BRD1: variants seen among roughly 807,000 people sequenced by gnomAD.
BRD1 encodes the protein bromodomain containing 1, also known as bromodomain-containing protein 1.
In BRD1, 24 loss-of-function variants were observed where a neutral mutation model predicts 107.7. The ratio of observed to expected loss-of-function variants is 0.22; its 90% CI spans 0.16 to 0.31. The LOEUF (loss-of-function observed/expected upper bound fraction) is 0.31, where lower values mean the gene tolerates loss of function less well. BRD1 is among the 10% of genes least tolerant of loss of function. BRD1 has a pLI of 1.00. For missense variants in BRD1, 1,279 were observed against 1,638.6 expected, an observed-to-expected ratio of 0.78 and a Z score of 3.79; for synonymous variants, 744 against 686.1, an observed-to-expected ratio of 1.08 and a Z score of -1.32.
intron 2 of BRD1, among the ~76,000 whole-genome samples, chr22:49,814,988 T>C (rs1009554456): frequency 6.6e-6 from 1 of 152,044 alleles, no homozygotes; most frequent in African/African-American, 2.4e-5. Context: ...CCCACAAAGC[T>C]AGGGGTGGGA....
chr22:49,784,697 A>T (rs2147007303), intron 8 of BRD1, among the ~76,000 whole-genome samples: 1 of 152,358 alleles, frequency 6.6e-6, no homozygotes. Flanking sequence ...TCCTGTCCTA[A>T]GACTGCGAAG....
chr22:49,799,286 CGGGACAGAG>C (rs1487176222), intron 3 of BRD1, among the ~76,000 whole-genome samples, 167 bp from the exon 4 acceptor site: 4 of 152,116 alleles, frequency 2.6e-5, no homozygotes, highest in South Asian at 2.1e-4. Context: ...AGGACAGCAC[CGGGACAGAG>C]GGGACAGAGG....
intron 1 of BRD1, chr22:49,826,360 C>A (rs1352866346): frequency 2.7e-6 from 2 of 736,286 alleles, no homozygotes; most frequent in Non-Finnish European, 3.3e-6. Context: ...GGAAAGTAGG[C>A]CCTCAGCAGG....
Position 49,777,198 on chromosome 22 carries a change from C to T in BRD1, c.2994-37G>A, listed in dbSNP as rs201858309. On this transcript the variant is annotated intron_variant, in intron 9 of 12. Coordinates refer to ENST00000404760, the MANE Select transcript of BRD1 (RefSeq NM_001304808.3). ...AGAGCAGAGGGAGTCAGGCGCCCCG[C>T]CCCTGCCTTCAGCCTCACTCGGGCT... is the stretch of plus-strand genomic sequence containing the variant. 1.9e-5 allele frequency: 31 copies of T among 1,605,736 alleles called. No homozygotes were observed. In the East Asian group the frequency reaches 5.6e-4, roughly 29 times the overall value.
chr22:49,798,907 C>A, intron 4 of BRD1, 81 bp downstream of exon 4: 1 of 1,515,792 alleles, frequency 6.6e-7, no homozygotes, highest in East Asian at 2.3e-5. Flanking sequence ...GGGTGCAGCC[C>A]ACCCTCTGCA....
Position 49,827,730 on chromosome 22 carries a change from GCTGGAGGCCCGGCT to G in BRD1, c.-262_-249del, listed in dbSNP as rs896491389. 2.1e-5 allele frequency among the ~76,000 whole-genome samples: 3 copies of G among 144,736 alleles called. No individual in the cohort carries two copies. Among genetic ancestry groups the G allele is most frequent in the Admixed American group, 1.4e-4 (2 of 14,648 alleles). 95.0% of individuals were successfully genotyped at this position (144,736 alleles called of 152,430 possible). A position where few individuals can be genotyped will look rare whatever the true frequency, so the allele number is the denominator to read the frequency against. On this transcript the variant is annotated 5_prime_UTR_variant, in exon 1 of 13. Transcript: ENST00000404760. ...GGCGCGGGCTCGGGCTCGGGGCCCA[GCTGGAGGCCCGGCT>G]CGGGGGGCCCGGCCGGCGGGCGCGG...
chr22:49,818,216 C>T (rs2059992102), intron 2 of BRD1: 4 of 1,184,552 alleles, frequency 3.4e-6, no homozygotes, highest in Non-Finnish European at 3.2e-6. Context: ...CATCACAAAG[C>T]CTTGCCTATC....
At chr22:49,804,834 G>C (rs138855) in intron 2 of BRD1, among the ~76,000 whole-genome samples, 48,177 of 151,936 alleles carry the variant, frequency 0.32, 10,121 homozygotes, top group African/African-American at 0.6. Context: ...CTGGGTGACA[G>C]AGCGAGATTC....
At chr22:49,811,142 A>C (rs1184845076) in intron 2 of BRD1, among the ~76,000 whole-genome samples, 2 of 151,672 alleles carry the variant, frequency 1.3e-5, no homozygotes, top group South Asian at 2.1e-4. Context: ...AACAAAAAAA[A>C]CACATTTCAT....
chr22:49,784,442 AG>A (rs1484763242), intron 8 of BRD1, among the ~76,000 whole-genome samples: 1 of 152,214 alleles, frequency 6.6e-6, no homozygotes, highest in Non-Finnish European at 1.5e-5. Context: ...TCACGGAGGA[AG>A]GAAGCCACGA....
chr22:49,779,911 G>C (rs961170088), intron 8 of BRD1, among the ~76,000 whole-genome samples: 2 of 152,128 alleles, frequency 1.3e-5, no homozygotes, highest in African/African-American at 4.8e-5. Context: ...CAACGCGTGT[G>C]ACCCGTCTCC....
At chr22:49,825,478 C>T (rs907778309) in intron 1 of BRD1, among the ~76,000 whole-genome samples, 6 of 152,334 alleles carry the variant, frequency 3.9e-5, no homozygotes, top group Non-Finnish European at 7.4e-5. Context: ...CCACGGACTG[C>T]GTCTATTCCT....
intron 2 of BRD1, chr22:49,818,158 G>A (rs2059990802): frequency 7.0e-6 from 7 of 997,852 alleles, no homozygotes; most frequent in Non-Finnish European, 8.5e-6. Context: ...CCCTATCAGG[G>A]TGAAGGCGGG....
rs1601648688 is a variant in BRD1 at position 49,792,170 on chromosome 22, C to T, written c.2359+1864G>A. ...TGTGACCCAATGGCAATGGAGGAAG[C>T]CACTGATAAAAAAAAAAAGCTAAAA... On this transcript the variant is annotated intron_variant, in intron 7 of 12. Coordinates refer to ENST00000404760, the MANE Select transcript of BRD1 (RefSeq NM_001304808.3). The surrounding 1 kb of genome is among the most constrained non-coding windows in gnomAD (Gnocchi z 4.2). Among the ~76,000 whole-genome samples, 1 of 127,756 alleles carries T rather than the reference C, an allele frequency of 7.8e-6. No individual in the cohort carries two copies. The highest frequency in any genetic ancestry group is 2.0e-4 in the East Asian group (1 of 5,040). The allele number at this position is 127,756 out of a possible 152,430, so 83.8% of individuals were successfully genotyped here.
chr22:49,788,677 C>G (rs1013759751), intron 7 of BRD1, among the ~76,000 whole-genome samples: 7 of 152,168 alleles, frequency 4.6e-5, no homozygotes, highest in Admixed American at 3.9e-4. Context: ...GTCCAGGGGG[C>G]CGGACAGGCT....
At chr22:49,781,024 A>G (rs2146965831) in intron 8 of BRD1, among the ~76,000 whole-genome samples, 2 of 152,318 alleles carry the variant, frequency 1.3e-5, no homozygotes, top group South Asian at 4.1e-4. Flanking sequence ...TAACGCTGAA[A>G]GTAAAGCTGG....
chr22:49,785,843 G>C (rs938174961), intron 8 of BRD1, among the ~76,000 whole-genome samples: 1 of 152,196 alleles, frequency 6.6e-6, no homozygotes, highest in Non-Finnish European at 1.5e-5. Context: ...GCTGGCAAGG[G>C]TAGGAAGTGA....
At position 49,798,058 on chromosome 22, in the gene BRD1, C is replaced by A. The variant is rs1334302662; in HGVS notation, c.1845G>T (p.Arg615=). The change falls in exon 6 of 13, where the codon CGG becomes CGT. Residue 615 remains arginine (R), a synonymous_variant. Transcript: ENST00000404760. Reference sequence around the variant, plus strand: ...GGTTTTTATACCCTTGAGCTTCTAACCGTTTCCTCATTGTGGCAAAGTCCA... The same window carrying A: ...GGTTTTTATACCCTTGAGCTTCTAAACGTTTCCTCATTGTGGCAAAGTCCA... ...HPMDFATMRK[R]LEAQGYKNLH... The A allele has an allele frequency of 1.2e-5, 20 of 1,613,962 alleles. No individual in the cohort carries two copies. The highest frequency in any genetic ancestry group is 2.7e-5 in the African/African-American group (2 of 74,928).
chr22:49,792,407 C>A lies in BRD1; in HGVS notation c.2359+1627G>T, dbSNP rs928541788. On this transcript the variant is annotated intron_variant, in intron 7 of 12. Transcript: ENST00000404760. This position sits in a 1 kb window ranked among gnomAD's most constrained non-coding sequence, Gnocchi z 4.2. ...GTGGGCTGCACGGAAGCAAAGGCTG[C>A]GGGACCAGGCACCAGCCTGGACTCC... Among the ~76,000 whole-genome samples the A allele has an allele frequency of 2.0e-5, 3 of 152,112 alleles. No homozygotes were observed. The highest frequency in any genetic ancestry group is 7.2e-5 in the African/African-American group (3 of 41,416).
Sources: gnomAD v4.1 joint callset for allele counts (sites outside exome capture counted in the v4.1 genomes callset) on GRCh38, gnomAD v4.1.1 for gene constraint, Gnocchi (gnomAD v3.1) non-coding constraint, MANE v1.5 for transcripts, NCBI Gene and HGNC (gene_info 2026-07-23, HGNC 2026-07-21) for gene names.